The following MACROD2 variants were observed in gnomAD, a reference collection of about 807,000 sequenced individuals.
MACROD2 encodes the protein ADP-ribose glycohydrolase MACROD2.
In MACROD2, 36 loss-of-function variants were observed where a neutral mutation model predicts 70.4. The ratio of observed to expected loss-of-function variants is 0.51; its 90% CI spans 0.39 to 0.68. The LOEUF is 0.68. MACROD2 is among the 30% of genes least tolerant of loss of function. The probability of loss-of-function intolerance (pLI) is 0.00; values close to 1 mark genes in which losing one functional copy is unlikely to be tolerated. For synonymous variants in MACROD2, 172 were observed against 178.8 expected (o/e 0.96, Z 0.30); for missense variants, 496 against 538.4 (o/e 0.92, Z 0.78).
chr20:14,658,881 G>A (rs1462521680), intron 4 of MACROD2, among the ~76,000 whole-genome samples: 2 of 152,148 alleles, frequency 1.3e-5, no homozygotes, highest in East Asian at 3.8e-4. Context: ...CCCAGAGTGT[G>A]GGATTACAGG....
chr20:14,330,265 A>G (rs1216213723), intron 3 of MACROD2, among the ~76,000 whole-genome samples: 2 of 152,106 alleles, frequency 1.3e-5, no homozygotes. Flanking sequence ...ATTATCAAAT[A>G]TGCACGAAGA....
chr20:14,502,001 C>G (rs2084920011), intron 4 of MACROD2, among the ~76,000 whole-genome samples: 2 of 152,120 alleles, frequency 1.3e-5, no homozygotes, highest in Non-Finnish European at 2.9e-5. Flanking sequence ...AAGGTAAAAT[C>G]TTTTTAAAAC....
chr20:15,895,604 G>A (rs1372659938), intron 10 of MACROD2, among the ~76,000 whole-genome samples: 2 of 152,214 alleles, frequency 1.3e-5, no homozygotes, highest in Non-Finnish European at 2.9e-5. Context: ...GAGACATGGG[G>A]TTTTCCTGGG....
chr20:15,361,472 T>C (rs1165212325), intron 6 of MACROD2, among the ~76,000 whole-genome samples: 4 of 152,224 alleles, frequency 2.6e-5, no homozygotes, highest in African/African-American at 9.6e-5. Flanking sequence ...GATGTTGCTA[T>C]ATAATAAGAT....
chr20:14,393,174 A>G (rs1319031474), intron 3 of MACROD2, among the ~76,000 whole-genome samples: 2 of 152,150 alleles, frequency 1.3e-5, no homozygotes, highest in African/African-American at 4.8e-5. Context: ...GCTGATCAAA[A>G]CTAAGATATG....
At chr20:14,455,708 T>C (rs1031205986) in intron 3 of MACROD2, among the ~76,000 whole-genome samples, 2 of 151,800 alleles carry the variant, frequency 1.3e-5, no homozygotes, top group Admixed American at 1.3e-4. Flanking sequence ...AACATCATTA[T>C]TTTTTGCCCT....
intron 10 of MACROD2, among the ~76,000 whole-genome samples, chr20:15,894,567 C>A (rs902929578): frequency 6.6e-6 from 1 of 152,132 alleles, no homozygotes; most frequent in Admixed American, 6.5e-5. Flanking sequence ...CCCAGGCTTA[C>A]TGTAAGAAAG....
chr20:15,546,574 T>C (rs1038675397), intron 8 of MACROD2, among the ~76,000 whole-genome samples: 1 of 152,112 alleles, frequency 6.6e-6, no homozygotes, highest in African/African-American at 2.4e-5. Flanking sequence ...AAGAAAATAA[T>C]TCAGATTCAC....
intron 6 of MACROD2, among the ~76,000 whole-genome samples, chr20:15,352,431 G>T (rs1014682): frequency 2.0e-5 from 3 of 151,988 alleles, no homozygotes; most frequent in African/African-American, 7.2e-5. Flanking sequence ...GCTAAAACAC[G>T]TATCAAAATA....
chr20:15,016,609 T>C (rs6110496), intron 5 of MACROD2, among the ~76,000 whole-genome samples: 6,532 of 152,178 alleles, frequency 0.043, 190 homozygotes, highest in Middle Eastern at 0.071. Context: ...CCCCTCTCTC[T>C]CTCTTGCTTC....
intron 16 of MACROD2, among the ~76,000 whole-genome samples, chr20:16,043,732 A>G (rs1291439521): frequency 5.3e-5 from 8 of 152,116 alleles, no homozygotes; most frequent in African/African-American, 1.9e-4. Context: ...CGGCAAGTCT[A>G]CAAGGTCTGT....
intron 8 of MACROD2, among the ~76,000 whole-genome samples, chr20:15,566,541 G>T (rs1030654085): frequency 6.6e-6 from 1 of 151,128 alleles, no homozygotes; most frequent in African/African-American, 2.4e-5. Context: ...AATTGAAACT[G>T]ATTTTGCTTA....
At chr20:15,389,330 A>C (rs1258515496) in intron 6 of MACROD2, among the ~76,000 whole-genome samples, 1 of 152,208 alleles carries the variant, frequency 6.6e-6, no homozygotes, top group Non-Finnish European at 1.5e-5. Flanking sequence ...GGATGATCCT[A>C]TGTGTGAAGA....
At chr20:14,218,866 T>C (rs778416515) in intron 3 of MACROD2, among the ~76,000 whole-genome samples, 1 of 152,220 alleles carries the variant, frequency 6.6e-6, no homozygotes, top group Non-Finnish European at 1.5e-5. Context: ...AAGTCCCCAA[T>C]TGCTTTTAGC....
At chr20:15,180,978 C>T (rs896583668) in intron 5 of MACROD2, among the ~76,000 whole-genome samples, 4 of 152,100 alleles carry the variant, frequency 2.6e-5, no homozygotes, top group African/African-American at 4.8e-5. Context: ...ATGCAGTGGT[C>T]CCATTAATTT....
chr20:15,230,975 A>G (rs1418836925), intron 6 of MACROD2, among the ~76,000 whole-genome samples: 2 of 152,142 alleles, frequency 1.3e-5, no homozygotes, highest in African/African-American at 4.8e-5. Flanking sequence ...CAGACTGAAT[A>G]GATCAGCATT....
intron 5 of MACROD2, among the ~76,000 whole-genome samples, chr20:14,878,857 T>C (rs2073579692): frequency 6.6e-6 from 1 of 152,144 alleles, no homozygotes; most frequent in African/African-American, 2.4e-5. Context: ...GGGCTGCTTC[T>C]ATTATGTTGC....
intron 4 of MACROD2, among the ~76,000 whole-genome samples, chr20:14,533,981 G>A (rs1019661928): frequency 6.6e-6 from 1 of 152,148 alleles, no homozygotes; most frequent in African/African-American, 2.4e-5. Context: ...CAATTTGATG[G>A]TCAATCCCTG....
chr20:14,215,999 A>G (rs533279274), intron 3 of MACROD2, among the ~76,000 whole-genome samples: 1 of 152,094 alleles, frequency 6.6e-6, no homozygotes, highest in African/African-American at 2.4e-5. Flanking sequence ...TGCTGTGCAA[A>G]AGCTCTTTAG....
Sources: gnomAD v4.1 joint callset for allele counts (sites outside exome capture counted in the v4.1 genomes callset) on GRCh38, gnomAD v4.1.1 for gene constraint, MANE v1.5 for transcripts, NCBI Gene and HGNC (gene_info 2026-07-23, HGNC 2026-07-21) for gene names.